CCDC30: variants seen among roughly 807,000 people sequenced by gnomAD.
CCDC30 encodes the protein coiled-coil domain-containing protein 30.
CCDC30 carries 70 observed loss-of-function variants against 100.2 expected under a neutral mutation model. The observed-to-expected ratio is 0.70, with a 90% CI of 0.58 to 0.85. CCDC30 has a LOEUF of 0.85. CCDC30 is among the 40% of genes least tolerant of loss of function. The probability of loss-of-function intolerance (pLI) is 0.00; values close to 1 mark genes in which losing one functional copy is unlikely to be tolerated. For missense variants in CCDC30, 652 were observed against 771.2 expected (o/e 0.85, Z 1.83); for synonymous variants, 233 against 269.5 (o/e 0.86, Z 1.33).
At chr1:42,470,494 C>G (rs927336908) in intron 1 of CCDC30, among the ~76,000 whole-genome samples, 1 of 152,138 alleles carries the variant, frequency 6.6e-6, no homozygotes, top group Non-Finnish European at 1.5e-5. Context: ...AACAGGGATT[C>G]AAATACTTTT....
chr1:42,494,039 C>A (rs1644189392), intron 4 of CCDC30, among the ~76,000 whole-genome samples: 1 of 152,120 alleles, frequency 6.6e-6, no homozygotes, highest in Non-Finnish European at 1.5e-5. Flanking sequence ...CATGGCGAAA[C>A]CCCATCTCTA....
chr1:42,645,808 C>T (rs952261964), intron 14 of CCDC30, among the ~76,000 whole-genome samples: 1 of 152,116 alleles, frequency 6.6e-6, no homozygotes, highest in East Asian at 1.9e-4. Flanking sequence ...TCAATGAATA[C>T]TTATCAATTC....
chr1:42,600,017 G>A (rs1009383128), intron 10 of CCDC30, among the ~76,000 whole-genome samples: 4 of 152,048 alleles, frequency 2.6e-5, no homozygotes, highest in Admixed American at 6.6e-5. Context: ...CGAACAACTG[G>A]ATCTTGTGAG....
At chr1:42,534,333 T>C (rs566832495) in intron 6 of CCDC30, among the ~76,000 whole-genome samples, 1 of 152,294 alleles carries the variant, frequency 6.6e-6, no homozygotes, top group South Asian at 2.1e-4. Flanking sequence ...GTTGAATGCA[T>C]CAGCATGTCA....
At chr1:42,484,222 A>G (rs148009885) in intron 3 of CCDC30, among the ~76,000 whole-genome samples, 1 of 152,184 alleles carries the variant, frequency 6.6e-6, no homozygotes, top group Admixed American at 6.5e-5. Context: ...GAAATGTTGC[A>G]TATCCCATGT....
At chr1:42,483,928 T>C (rs1415725182) in intron 3 of CCDC30, among the ~76,000 whole-genome samples, 3 of 152,102 alleles carry the variant, frequency 2.0e-5, no homozygotes, top group Non-Finnish European at 2.9e-5. Context: ...GGGGGGTACT[T>C]TTATTGTTTA....
chr1:42,488,708 C>T (rs1334776944), intron 3 of CCDC30, among the ~76,000 whole-genome samples: 3 of 152,106 alleles, frequency 2.0e-5, no homozygotes. Flanking sequence ...AAATTTGGAG[C>T]AATATATTTC....
intron 10 of CCDC30, among the ~76,000 whole-genome samples, chr1:42,609,148 C>G (rs915154448): frequency 4.6e-5 from 7 of 152,170 alleles, no homozygotes; most frequent in Admixed American, 4.6e-4. Context: ...AGCTCTGCCA[C>G]CCCTGAGATA....
intron 13 of CCDC30, among the ~76,000 whole-genome samples, chr1:42,642,814 A>G (rs1375571203): frequency 2.0e-5 from 3 of 152,354 alleles, no homozygotes; most frequent in Non-Finnish European, 4.4e-5. Flanking sequence ...CTGGTTGGCT[A>G]TTTAGATAGG....
intron 11 of CCDC30, among the ~76,000 whole-genome samples, chr1:42,629,088 T>G (rs551888918): frequency 1.3e-5 from 2 of 152,352 alleles, no homozygotes; most frequent in African/African-American, 4.8e-5. Context: ...TGTTATATTT[T>G]GTGGTTTTCT....
chr1:42,605,563 C>T (rs927767683), intron 10 of CCDC30, among the ~76,000 whole-genome samples: 1 of 152,166 alleles, frequency 6.6e-6, no homozygotes, highest in Non-Finnish European at 1.5e-5. Flanking sequence ...ACTGTAGCCT[C>T]AACTGCCTGG....
chr1:42,502,954 C>T (rs541465628), intron 6 of CCDC30, among the ~76,000 whole-genome samples: 2 of 152,192 alleles, frequency 1.3e-5, no homozygotes, highest in South Asian at 4.1e-4. Context: ...GGAGTGCATG[C>T]TCACTGCAGC....
At chr1:42,472,025 G>A (rs1643785518) in intron 1 of CCDC30, among the ~76,000 whole-genome samples, 1 of 152,166 alleles carries the variant, frequency 6.6e-6, no homozygotes, top group African/African-American at 2.4e-5. Context: ...ATAGTTAGTG[G>A]TTTTAATCAC....
At chr1:42,528,023 G>A (rs996814277) in intron 6 of CCDC30, among the ~76,000 whole-genome samples, 1 of 151,954 alleles carries the variant, frequency 6.6e-6, no homozygotes, top group Non-Finnish European at 1.5e-5. Flanking sequence ...CCACCACCAC[G>A]TCCAGCTAAT....
chr1:42,545,725 TCG>T (rs112575083), intron 6 of CCDC30, 146 bp downstream of exon 9: 92,120 of 636,958 alleles, frequency 0.14, 7,208 homozygotes, highest in East Asian at 0.16. Flanking sequence ...GGCAGGCAGA[TCG>T]CTTGAGCTCA....
rs74388454 is a variant in CCDC30 at position 42,596,738 on chromosome 1, A to C, written c.1164+7255A>C. Among the ~76,000 whole-genome samples the C allele has an allele frequency of 0.023, 2,498 of 107,180 alleles. 45 individuals are homozygous for C. The highest frequency in any genetic ancestry group is 0.066 in the African/African-American group (1,898 of 28,652). 70.3% of individuals were successfully genotyped at this position (107,180 alleles called of 152,430 possible). ...ATTACAAGACACGCTAAAAGGCAAA[A>C]AAACAAACAAACAAACAAACAAAAA... On this transcript the variant is annotated intron_variant, in intron 10 of 16. Coordinates refer to ENST00000668663, the Ensembl canonical transcript of CCDC30. The surrounding 1 kb of genome is among the most constrained non-coding windows in gnomAD (Gnocchi z 4.3).
chr1:42,614,181 C>T (rs903385212), intron 11 of CCDC30, among the ~76,000 whole-genome samples: 50 of 150,946 alleles, frequency 3.3e-4, no homozygotes, highest in Admixed American at 2.1e-3. Flanking sequence ...CCTGGGTTCA[C>T]GCCTTTCTCC....
intron 8 of CCDC30, chr1:42,581,079 G>A (rs575026296): frequency 1.1e-5 from 4 of 374,160 alleles, no homozygotes; most frequent in Admixed American, 4.1e-5. Flanking sequence ...AGGCTCAAGC[G>A]ATTCACCCAG....
At chr1:42,579,829 C>T (rs1302916745) in intron 8 of CCDC30, among the ~76,000 whole-genome samples, 4 of 151,530 alleles carry the variant, frequency 2.6e-5, no homozygotes, top group African/African-American at 9.7e-5. Flanking sequence ...GACCCTATCT[C>T]TACAAAAATA....
Sources: allele counts gnomAD v4.1 joint callset (sites outside exome capture counted in the v4.1 genomes callset), GRCh38; gene constraint gnomAD v4.1.1; non-coding constraint Gnocchi (gnomAD v3.1); transcripts MANE v1.5; gene names NCBI Gene and HGNC (gene_info 2026-07-23, HGNC 2026-07-21).